ZNF236: variants seen among roughly 807,000 people sequenced by gnomAD.
ZNF236 encodes regulated by glucose.
A neutral mutation model predicts 191.2 loss-of-function variants in ZNF236; 50 were observed. That is an observed-to-expected ratio of 0.26 (90% confidence interval 0.21 to 0.33). The LOEUF is 0.33. Among genes scored for constraint, ZNF236 ranks in the 10% least tolerant of loss-of-function variants. ZNF236 has a pLI of 1.00. For synonymous variants in ZNF236, 907 were observed against 928.8 expected (o/e 0.98, Z 0.43); for missense variants, 1,754 against 2,374.5 (o/e 0.74, Z 5.43).
chr18:76,835,705 C>T lies in ZNF236; in HGVS notation c.55+13043C>T, dbSNP rs117999224. Among the ~76,000 whole-genome samples the T allele has an allele frequency of 2.2e-4, 33 of 152,176 alleles. No individual in the cohort carries two copies. In the East Asian group the frequency reaches 6.4e-3, roughly 29 times the overall value. ...GTAAGTTATATCTCTTGCAAGCAGC[C>T]TATAGTTAACTTTTCTAAGTATGGC... On this transcript the variant is annotated intron_variant, in intron 1 of 30. Coordinates refer to ENST00000320610, the MANE Select transcript of ZNF236 (RefSeq NM_001306089.2).
chr18:76,926,902 T>C (rs1239304775), intron 22 of ZNF236, 135 bp from the exon 23 acceptor site: 11 of 1,037,332 alleles, frequency 1.1e-5, no homozygotes, highest in Non-Finnish European at 1.5e-5. Flanking sequence ...TAGGTGTTCG[T>C]ATTCCACAAC....
At position 76,880,276 on chromosome 18, in the gene ZNF236, A is replaced by G; in HGVS notation, c.1148A>G (p.Gln383Arg). The G allele has an allele frequency of 2.5e-6, 4 of 1,614,030 alleles. No homozygotes were observed. Among genetic ancestry groups the G allele is most frequent in the Non-Finnish European group, 2.5e-6 (3 of 1,179,954 alleles). ...GGGCAGTCCCCGCAGCCTGGGCAGC[A>G]GCTGAGCATCACAGTGGGCATCAAC... The part of the protein sequence containing the change: ...ESGQSPQPGQ[Q>R]LSITVGINQD... The change falls in exon 8 of 31, where the codon CAG becomes CGG. Residue 383 changes from glutamine (Q) to arginine (R), a missense_variant. Physicochemically the swap from Gln to Arg is conservative, Grantham distance 43. Around this residue, in one of 5 missense-constraint regions of ZNF236, gnomAD observed 336 missense variants for 495.1 expected, o/e 0.68. Transcript: ENST00000320610. This position sits in a 1 kb window ranked among gnomAD's most constrained non-coding sequence, Gnocchi z 5.0.
intron 3 of ZNF236, among the ~76,000 whole-genome samples, chr18:76,863,922 T>G (rs1976321250): frequency 6.6e-6 from 1 of 152,242 alleles, no homozygotes; most frequent in African/African-American, 2.4e-5. Flanking sequence ...TGGTTAATTT[T>G]CTGTGTGAAC....
chr18:76,965,571 A>G (rs1345870572), intron 30 of ZNF236, among the ~76,000 whole-genome samples: 2 of 152,210 alleles, frequency 1.3e-5, no homozygotes, highest in Non-Finnish European at 2.9e-5. Context: ...CTTTGGTCCT[A>G]CGGGGTTCTC....
intron 1 of ZNF236, among the ~76,000 whole-genome samples, chr18:76,835,792 C>T (rs1160154003): frequency 1.3e-5 from 2 of 152,184 alleles, no homozygotes; most frequent in African/African-American, 4.8e-5. Flanking sequence ...CGTTTTGAGA[C>T]ATAGTTTTCT....
Position 76,880,034 on chromosome 18 carries a change from C to CT in ZNF236, c.985-78dup, listed in dbSNP as rs1367485635. 3.7e-5 allele frequency: 31 copies of CT among 844,122 alleles called. No homozygotes were observed. In the African/African-American group the frequency reaches 9.2e-4, roughly 25 times the overall value. The allele number at this position is 844,122 out of a possible 1,614,324, so 52.3% of individuals were successfully genotyped here. ...TTAACACCCTTAAGGAGGGTATTGC[C>CT]TGTTTTTTTTTTTTTAATTTTCCTT... On this transcript the variant is annotated intron_variant, in intron 7 of 30. Transcript: ENST00000320610. This position sits in a 1 kb window ranked among gnomAD's most constrained non-coding sequence, Gnocchi z 5.0.
At chr18:76,836,744 AT>A (rs1336582340) in intron 1 of ZNF236, among the ~76,000 whole-genome samples, 1 of 151,226 alleles carries the variant, frequency 6.6e-6, no homozygotes, top group African/African-American at 2.4e-5. Flanking sequence ...CGCCTGGCTA[AT>A]TTTTTGTATT....
At chr18:76,923,801 A>G (rs1020010583) in intron 21 of ZNF236, among the ~76,000 whole-genome samples, 1 of 151,904 alleles carries the variant, frequency 6.6e-6, no homozygotes, top group Admixed American at 6.6e-5. Context: ...TAATAGTTGT[A>G]CCTCCGTCTT....
At chr18:76,836,798 C>G (rs1008192942) in intron 1 of ZNF236, among the ~76,000 whole-genome samples, 1 of 151,754 alleles carries the variant, frequency 6.6e-6, no homozygotes, top group African/African-American at 2.4e-5. Context: ...AGGATAGTCT[C>G]GATCTCCTGA....
chr18:76,829,474 C>T (rs1234672794), intron 1 of ZNF236, among the ~76,000 whole-genome samples: 3 of 152,022 alleles, frequency 2.0e-5, no homozygotes, highest in South Asian at 2.1e-4. Flanking sequence ...ACTACACCCT[C>T]GTGCTACTAC....
At chr18:76,908,035 T>C (rs1230403203) in intron 13 of ZNF236, among the ~76,000 whole-genome samples, 1 of 152,208 alleles carries the variant, frequency 6.6e-6, no homozygotes, top group Non-Finnish European at 1.5e-5. Context: ...CGAGACATCT[T>C]TTTAATGTTT....
rs1968862618 is a variant in ZNF236 at position 76,969,296 on chromosome 18, A to G, written c.*957A>G. On this transcript the variant is annotated 3_prime_UTR_variant, in exon 31 of 31. Transcript: ENST00000320610. ...TCTTTAGTATCGTCAATGGTGCCACATAAAACATGTCCCAAACCAAATCCC... is the reference window on the plus strand; with the variant it reads ...TCTTTAGTATCGTCAATGGTGCCACGTAAAACATGTCCCAAACCAAATCCC... The G allele has an allele frequency of 6.5e-6, 1 of 152,702 alleles. No individual in the cohort carries two copies. The highest frequency in any genetic ancestry group is 2.4e-5 in the African/African-American group (1 of 41,468). The allele number at this position is 152,702 out of a possible 1,614,324, so 9.5% of individuals were successfully genotyped here.
intron 9 of ZNF236, among the ~76,000 whole-genome samples, chr18:76,888,950 C>G (rs899599571): frequency 6.6e-6 from 1 of 152,216 alleles, no homozygotes; most frequent in Non-Finnish European, 1.5e-5. Context: ...TGCATGGGAG[C>G]TAATTGAAGA....
intron 26 of ZNF236, among the ~76,000 whole-genome samples, chr18:76,942,551 G>A (rs776759532): frequency 6.6e-6 from 1 of 150,594 alleles, no homozygotes; most frequent in Non-Finnish European, 1.5e-5. Context: ...TCGCTCTGTC[G>A]CCCAGGCTGG....
Position 76,959,545 on chromosome 18 carries a change from TC to T in ZNF236, c.5113-140del, listed in dbSNP as rs3833868. Reference sequence around the variant, plus strand: ...TGTTGTCACTACCGATGCATTGAAGTCCTTAAGAACACAAATCACAGATTAG... The same window carrying T: ...TGTTGTCACTACCGATGCATTGAAGTCTTAAGAACACAAATCACAGATTAG... On this transcript the variant is annotated intron_variant, in intron 28 of 30. Coordinates refer to ENST00000320610, the MANE Select transcript of ZNF236 (RefSeq NM_001306089.2). 1,737 of 976,308 alleles carry T rather than the reference TC, an allele frequency of 1.8e-3. 29 individuals carry two copies. In the East Asian group the frequency reaches 0.033, roughly 18 times the overall value. 60.5% of individuals were successfully genotyped at this position (976,308 alleles called of 1,614,324 possible).
At chr18:76,879,684 G>A (rs148630416) in intron 7 of ZNF236, among the ~76,000 whole-genome samples, 4 of 152,266 alleles carry the variant, frequency 2.6e-5, no homozygotes, top group Non-Finnish European at 4.4e-5. Flanking sequence ...TAGCATTACA[G>A]CGCCTTTATT....
At chr18:76,822,890 T>G (rs1974896706) in intron 1 of ZNF236, among the ~76,000 whole-genome samples, 1 of 146,800 alleles carries the variant, frequency 6.8e-6, no homozygotes, top group Admixed American at 6.7e-5. Context: ...CCTACTTTCC[T>G]GGGCCGGGCG....
At chr18:76,868,889 C>G (rs1568203996) in intron 4 of ZNF236, 26 bp downstream of exon 4, 2 of 1,557,028 alleles carry the variant, frequency 1.3e-6, no homozygotes, top group Non-Finnish European at 1.7e-6. Context: ...TGGGCTTGGT[C>G]AAAAATCCAT....
In ZNF236 at chr18:76,881,327, C is replaced by G. The variant is rs371905910; in HGVS notation, c.1232C>G (p.Ala411Gly). 5 of 1,613,974 alleles carry G rather than the reference C, an allele frequency of 3.1e-6. No homozygotes were observed. Among genetic ancestry groups the G allele is most frequent in the African/African-American group, 2.7e-5 (2 of 74,880 alleles). Reference sequence around the variant, plus strand: ...GGGCTGTCTTCAATTCCAGCTGCAGCACATCCTAATGACTCCTGCCATGCC... The same window carrying G: ...GGGCTGTCTTCAATTCCAGCTGCAGGACATCCTAATGACTCCTGCCATGCC... ...NSGLSSIPAA[A>G]HPNDSCHAKT... Residue 411 changes from alanine to glycine, a missense_variant, in exon 9 of 31, where the codon GCA becomes GGA. By Grantham distance (60) the Ala-to-Gly change is moderately conservative. This residue lies in a region of ZNF236 where 126 missense variants were observed against 110.9 expected (regional missense o/e 1.14). Coordinates refer to ENST00000320610, the MANE Select transcript of ZNF236 (RefSeq NM_001306089.2).
Sources: gnomAD v4.1 joint callset for allele counts (sites outside exome capture counted in the v4.1 genomes callset) on GRCh38, gnomAD v4.1.1 for gene constraint, gnomAD v4.1.1 regional missense constraint, Gnocchi (gnomAD v3.1) non-coding constraint, MANE v1.5 for transcripts, NCBI Gene and HGNC (gene_info 2026-07-23, HGNC 2026-07-21) for gene names.